Variants in ADRA1A observed in about 807,000 individuals in gnomAD.
The protein encoded by ADRA1A is adrenoceptor alpha 1A, also known as alpha-1A adrenergic receptor.
Under a neutral mutation model 29.6 loss-of-function variants are expected in ADRA1A, and 31 were observed. That is an observed-to-expected ratio of 1.05 (90% CI 0.79 to 1.41). The LOEUF is 1.41. Ranked by LOEUF, ADRA1A falls within the 40% of genes most tolerant of loss-of-function variation. The probability of loss-of-function intolerance (pLI) is 0.00; values close to 1 mark genes in which losing one functional copy is unlikely to be tolerated. For synonymous variants in ADRA1A, 311 were observed against 254.3 expected, an observed-to-expected ratio of 1.22 and a Z score of -2.12; for missense variants, 619 against 601.1, an observed-to-expected ratio of 1.03 and a Z score of -0.31.
At chr8:26,859,052 C>G (rs1813251191) in intron 2 of ADRA1A, 12 of 1,270,422 alleles carry the variant, frequency 9.4e-6, no homozygotes, top group Non-Finnish European at 1.2e-5. Context: ...TGGGTCAGTC[C>G]CTATTAAACA....
exon 3 of ADRA1A, chr8:26,748,440 TA>T (rs34923219): frequency 0.11 from 18,798 of 169,790 alleles, 951 homozygotes; most frequent in Admixed American, 0.18. Context: ...TTAAAAAAGA[TA>T]AAAAAAAAAA....
intron 2 of ADRA1A, among the ~76,000 whole-genome samples, chr8:26,861,698 G>A (rs531050548): frequency 2.0e-5 from 3 of 152,206 alleles, no homozygotes; most frequent in East Asian, 1.9e-4. Context: ...GCCCCTTGCA[G>A]CCACATAACT....
downstream of ADRA1A, among the ~76,000 whole-genome samples, chr8:26,765,205 T>C (rs765108429): frequency 5.3e-5 from 8 of 152,224 alleles, no homozygotes; most frequent in African/African-American, 7.2e-5. Context: ...CAGTAATCCA[T>C]GTTGCAGCAG....
chr8:26,761,328 G>A (rs1004779975), downstream of ADRA1A, among the ~76,000 whole-genome samples: 1 of 152,152 alleles, frequency 6.6e-6, no homozygotes, highest in African/African-American at 2.4e-5. Context: ...ATTTTGTATG[G>A]GCAGAAATGA....
At chr8:26,763,337 C>T (rs1805612953), downstream of ADRA1A, among the ~76,000 whole-genome samples, 2 of 152,230 alleles carry the variant, frequency 1.3e-5, no homozygotes, top group Admixed American at 1.3e-4. This position sits in a 1 kb window ranked among gnomAD's most constrained non-coding sequence, Gnocchi z 4.5. Context: ...TTCAGGTTGG[C>T]CTTGGTCAGG....
chr8:26,824,325 A>G (rs547256890), intron 2 of ADRA1A, among the ~76,000 whole-genome samples: 28 of 152,166 alleles, frequency 1.8e-4, no homozygotes, highest in African/African-American at 6.3e-4. Context: ...ATGGCAAAGC[A>G]TAGGAATTAA....
chr8:26,795,984 C>G (rs568861613), intron 2 of ADRA1A, among the ~76,000 whole-genome samples: 27 of 151,766 alleles, frequency 1.8e-4, no homozygotes, highest in African/African-American at 1.9e-4. Flanking sequence ...TAAAAGTGTC[C>G]TAAGAAAATT....
At chr8:26,826,772 C>A (rs559847596) in intron 2 of ADRA1A, among the ~76,000 whole-genome samples, 2 of 152,314 alleles carry the variant, frequency 1.3e-5, no homozygotes, top group South Asian at 4.1e-4. Flanking sequence ...TTACACCAAG[C>A]CTTGCCTAGG....
In ADRA1A at chr8:26,779,204, G is replaced by A. The variant is rs367783529; in HGVS notation, c.884-8538C>T. On this transcript the variant is annotated intron_variant, in intron 2 of 2. Transcript: ENST00000380573. ...CTCACTGTAGTGCAAGATGGGAGCA[G>A]GAACCCAATTAACAGTTCCTGCCAG... 7.7e-5 allele frequency: 51 copies of A among 659,472 alleles called. No homozygotes were observed. In the African/African-American group the frequency reaches 8.2e-4, roughly 11 times the overall value. 40.9% of individuals were successfully genotyped at this position (659,472 alleles called of 1,614,324 possible).
At chr8:26,765,195 C>G (rs1805709060), downstream of ADRA1A, among the ~76,000 whole-genome samples, 1 of 152,168 alleles carries the variant, frequency 6.6e-6, no homozygotes, top group South Asian at 2.1e-4. Flanking sequence ...GTGGGAGAAC[C>G]AGTAATCCAT....
downstream of ADRA1A, among the ~76,000 whole-genome samples, chr8:26,765,510 G>A (rs12680215): frequency 0.095 from 14,389 of 152,256 alleles, 995 homozygotes; most frequent in East Asian, 0.33. Flanking sequence ...CTGCAGATAC[G>A]GGGCAGGTGC....
chr8:26,807,352 G>A (rs1809068889), intron 2 of ADRA1A, among the ~76,000 whole-genome samples: 1 of 152,162 alleles, frequency 6.6e-6, no homozygotes, highest in Admixed American at 6.5e-5. Context: ...GCACATGGGT[G>A]GCTAAAAATA....
At chr8:26,765,687 T>G (rs1208671230), downstream of ADRA1A, among the ~76,000 whole-genome samples, 31 of 152,236 alleles carry the variant, frequency 2.0e-4, no homozygotes, top group Admixed American at 2.0e-3. Flanking sequence ...AGAGTTTACC[T>G]CCCATCTGCT....
intron 2 of ADRA1A, among the ~76,000 whole-genome samples, chr8:26,862,636 G>A (rs73231599): frequency 0.039 from 5,970 of 152,290 alleles, 183 homozygotes; most frequent in Non-Finnish European, 0.06. Flanking sequence ...AGCAGAGTAA[G>A]TAATAATGAT....
intron 2 of ADRA1A, chr8:26,859,217 T>C: frequency 7.9e-7 from 1 of 1,265,570 alleles, no homozygotes; most frequent in Non-Finnish European, 1.0e-6. Flanking sequence ...TTGAATATAA[T>C]AATATGATAG....
At chr8:26,776,015 G>A (rs776390271) in intron 2 of ADRA1A, among the ~76,000 whole-genome samples, 21 of 152,178 alleles carry the variant, frequency 1.4e-4, no homozygotes, top group Non-Finnish European at 2.6e-4. Flanking sequence ...TTATGAGGGG[G>A]CACTAGGAGG....
downstream of ADRA1A, among the ~76,000 whole-genome samples, chr8:26,754,118 C>T (rs17055912): frequency 0.021 from 3,181 of 152,156 alleles, 120 homozygotes; most frequent in African/African-American, 0.07. Context: ...GTAAAAATGG[C>T]GTGTAGAAAA....
At position 26,770,299 on chromosome 8, in the gene ADRA1A, G is replaced by A. The variant is rs200827445; in HGVS notation, c.1251C>T (p.Ser417=). 7 of 1,614,208 alleles carry A rather than the reference G, an allele frequency of 4.3e-6. No individual in the cohort carries two copies. Among genetic ancestry groups the A allele is most frequent in the South Asian group, 1.1e-5 (1 of 91,082 alleles). The change falls in exon 3 of 3, where the codon TCC becomes TCT. Residue 417 remains serine, a synonymous_variant. Coordinates refer to ENST00000380573, the MANE Select transcript of ADRA1A (RefSeq NM_000680.4). The part of the protein sequence containing the change: ...SARITVSKDQ[S]SCTTARVRSK... ...TTCTCACCCGGGCTGTGGTACAGGA[G>A]GATTGGTCTTTGGACACTGTAATCC...
chr8:26,782,009 C>T (rs953549585), intron 2 of ADRA1A, among the ~76,000 whole-genome samples: 3 of 152,242 alleles, frequency 2.0e-5, no homozygotes, highest in Non-Finnish European at 4.4e-5. Flanking sequence ...AATCTGAGTG[C>T]TCTGGACAGT....
Sources: allele counts gnomAD v4.1 joint callset (sites outside exome capture counted in the v4.1 genomes callset), GRCh38; gene constraint gnomAD v4.1.1; non-coding constraint Gnocchi (gnomAD v3.1); transcripts MANE v1.5; gene names NCBI Gene and HGNC (gene_info 2026-07-23, HGNC 2026-07-21).